Variants in ZFPM2 observed in about 807,000 individuals in gnomAD.
ZFPM2 encodes zinc finger protein ZFPM2.
Under a neutral mutation model 98.6 loss-of-function variants are expected in ZFPM2, and 20 were observed. The observed-to-expected ratio is 0.20, with a 90% CI of 0.14 to 0.29. The LOEUF is 0.29. Ranked by LOEUF, ZFPM2 falls within the 10% of genes least tolerant of loss-of-function variation. The pLI, the probability that ZFPM2 is intolerant of heterozygous loss-of-function variation, is 1.00. For synonymous variants in ZFPM2, 518 were observed against 502.7 expected, an observed-to-expected ratio of 1.03 and a Z score of -0.41; for missense variants, 1,310 against 1,388.6, an observed-to-expected ratio of 0.94 and a Z score of 0.90.
intron 5 of ZFPM2, among the ~76,000 whole-genome samples, chr8:105,743,524 C>T (rs550907497): frequency 1.3e-5 from 2 of 152,156 alleles, no homozygotes; most frequent in Admixed American, 6.5e-5. Context: ...GATCTCTTCA[C>T]TCCTCTATGG....
At chr8:105,495,508 T>TA (rs139077096) in intron 3 of ZFPM2, among the ~76,000 whole-genome samples, 6,845 of 152,312 alleles carry the variant, frequency 0.045, 527 homozygotes, top group African/African-American at 0.15. Flanking sequence ...TCTTAACCTT[T>TA]AAATATTTGC....
At chr8:105,438,154 T>C (rs1812163202) in intron 2 of ZFPM2, among the ~76,000 whole-genome samples, 1 of 152,238 alleles carries the variant, frequency 6.6e-6, no homozygotes, top group Admixed American at 6.5e-5. Flanking sequence ...TTCAGATATT[T>C]ATTGGTTTCT....
At chr8:105,521,853 A>T (rs1170081649) in intron 3 of ZFPM2, among the ~76,000 whole-genome samples, 1 of 152,238 alleles carries the variant, frequency 6.6e-6, no homozygotes, top group Non-Finnish European at 1.5e-5. Context: ...CTGGGATTAC[A>T]GGCATAAGCC....
intron 3 of ZFPM2, chr8:105,528,957 T>C (rs890446889): frequency 6.6e-5 from 10 of 152,188 alleles, no homozygotes; most frequent in African/African-American, 2.2e-4. Context: ...ACTGTAGGGC[T>C]TCTGAAAACA....
chr8:105,696,056 A>G (rs537602725), intron 5 of ZFPM2, among the ~76,000 whole-genome samples: 6 of 152,320 alleles, frequency 3.9e-5, no homozygotes, highest in African/African-American at 1.4e-4. Flanking sequence ...CTCATCTCTA[A>G]CAGTGCAATA....
intron 5 of ZFPM2, among the ~76,000 whole-genome samples, chr8:105,691,339 C>T (rs1200102331): frequency 8.0e-6 from 1 of 125,016 alleles, no homozygotes. Flanking sequence ...AGCTCCGCTT[C>T]CCGGGTTCAC....
intron 5 of ZFPM2, among the ~76,000 whole-genome samples, chr8:105,641,446 A>G (rs1253050417): frequency 6.6e-6 from 1 of 152,034 alleles, no homozygotes; most frequent in African/African-American, 2.4e-5. Context: ...GGAATCTATG[A>G]TTGTAAAAAT....
intron 4 of ZFPM2, among the ~76,000 whole-genome samples, chr8:105,586,988 T>C (rs1467220174): frequency 5.3e-5 from 8 of 151,558 alleles, no homozygotes; most frequent in Non-Finnish European, 1.0e-4. Context: ...TTAAAAGCTT[T>C]GGACTTGGCC....
At chr8:105,611,289 AAAAC>A (rs1449363105) in intron 4 of ZFPM2, among the ~76,000 whole-genome samples, 2 of 152,208 alleles carry the variant, frequency 1.3e-5, no homozygotes, top group African/African-American at 2.4e-5. Context: ...TGGAGAAAGA[AAAAC>A]AAATTTTGAA....
chr8:105,674,922 G>A (rs188520363), intron 5 of ZFPM2, among the ~76,000 whole-genome samples: 1 of 152,176 alleles, frequency 6.6e-6, no homozygotes, highest in East Asian at 1.9e-4. Context: ...GGGGTGGAGT[G>A]CTAATTCTGG....
Position 105,366,294 on chromosome 8 carries a change from T to G in ZFPM2, c.40+47313T>G, listed in dbSNP as rs192541018. Among the ~76,000 whole-genome samples, 643 of 152,302 alleles carry G rather than the reference T, an allele frequency of 4.2e-3. 3 individuals are homozygous for G. The highest frequency in any genetic ancestry group is 0.015 in the African/African-American group (618 of 41,574). ...CTTTTCATCTGTACTAGGGTTGTTT[T>G]CTTGCTAGGTAGGGAGAAATCCAAG... On this transcript the variant is annotated intron_variant, in intron 1 of 7. Coordinates refer to ENST00000407775, the MANE Select transcript of ZFPM2 (RefSeq NM_012082.4).
intron 1 of ZFPM2, among the ~76,000 whole-genome samples, chr8:105,409,564 C>G (rs577960346): frequency 6.6e-6 from 1 of 152,022 alleles, no homozygotes; most frequent in African/African-American, 2.4e-5. Context: ...TCATCAGTTG[C>G]AGTACACAAA....
chr8:105,393,326 C>G (rs1353427362), intron 1 of ZFPM2, among the ~76,000 whole-genome samples: 1 of 106,088 alleles, frequency 9.4e-6, no homozygotes, highest in Non-Finnish European at 1.9e-5. Flanking sequence ...CCTTCCCTCT[C>G]TCTCTCTTTG....
chr8:105,698,437 A>G (rs1811069329), intron 5 of ZFPM2, among the ~76,000 whole-genome samples: 1 of 152,256 alleles, frequency 6.6e-6, no homozygotes, highest in Non-Finnish European at 1.5e-5. Flanking sequence ...TCACTTTCTT[A>G]AATTCATGTA....
At chr8:105,628,633 A>G (rs139194152) in intron 4 of ZFPM2, among the ~76,000 whole-genome samples, 120 of 152,260 alleles carry the variant, frequency 7.9e-4, no homozygotes, top group African/African-American at 2.8e-3. Flanking sequence ...CTTGACTTCA[A>G]AGGGATGGTT....
chr8:105,501,780 C>T (rs953311716), intron 3 of ZFPM2, among the ~76,000 whole-genome samples: 9 of 152,126 alleles, frequency 5.9e-5, no homozygotes, highest in African/African-American at 2.2e-4. Context: ...CCACCATGCC[C>T]ATCTTCTTTT....
chr8:105,495,384 T>C (rs1813445872), intron 3 of ZFPM2, among the ~76,000 whole-genome samples: 2 of 152,160 alleles, frequency 1.3e-5, no homozygotes, highest in Non-Finnish European at 2.9e-5. Context: ...ACCCTAGAAC[T>C]TACAGTATAA....
intron 1 of ZFPM2, among the ~76,000 whole-genome samples, chr8:105,358,277 G>A (rs1812785866): frequency 1.3e-5 from 2 of 150,186 alleles, no homozygotes; most frequent in South Asian, 2.1e-4. Flanking sequence ...TTTCTGAGGT[G>A]GAGTCTTGCT....
chr8:105,678,424 G>T (rs1810519709), intron 5 of ZFPM2: 1 of 152,128 alleles, frequency 6.6e-6, no homozygotes, highest in South Asian at 2.1e-4. Context: ...AGTACGTTAT[G>T]TTGACCAGTC....
Sources: allele counts gnomAD v4.1 joint callset (sites outside exome capture counted in the v4.1 genomes callset), GRCh38; gene constraint gnomAD v4.1.1; transcripts MANE v1.5; gene names NCBI Gene and HGNC (gene_info 2026-07-23, HGNC 2026-07-21).